SLC35A3: variants seen among roughly 807,000 people sequenced by gnomAD.
SLC35A3 encodes UDP-N-acetylglucosamine transporter.
SLC35A3 carries 26 observed loss-of-function variants against 39.0 expected under a neutral mutation model. The ratio of observed to expected loss-of-function variants is 0.67; its 90% CI spans 0.49 to 0.92. SLC35A3 has a LOEUF of 0.92. Ranked by LOEUF, SLC35A3 falls within the 40% of genes least tolerant of loss-of-function variation. The pLI is 0.00. For missense variants in SLC35A3, 299 were observed against 371.6 expected, an observed-to-expected ratio of 0.80 and a Z score of 1.61; for synonymous variants, 135 against 133.1, an observed-to-expected ratio of 1.01 and a Z score of -0.10.
Position 100,026,799 on chromosome 1 carries a change from T to G in SLC35A3, c.*4323T>G, listed in dbSNP as rs1335020720. On this transcript the variant is annotated 3_prime_UTR_variant, in exon 8 of 8. Coordinates refer to ENST00000533028, the MANE Select transcript of SLC35A3 (RefSeq NM_012243.3). Reference sequence around the variant, plus strand: ...TTGTTTAGAAAGATTCTTTTGGGTTTGATAATGTAATTTGTATATTTAAAT... The same window carrying G: ...TTGTTTAGAAAGATTCTTTTGGGTTGGATAATGTAATTTGTATATTTAAAT... The G allele has an allele frequency of 6.1e-6, 1 of 162,912 alleles. No individual in the cohort carries two copies. The highest frequency in any genetic ancestry group is 2.4e-5 in the African/African-American group (1 of 41,900). The allele number at this position is 162,912 out of a possible 1,614,324, so 10.1% of individuals were successfully genotyped here.
At position 100,024,622 on chromosome 1, in the gene SLC35A3, CT is replaced by C. The variant is rs1333681581; in HGVS notation, c.*2161del. ...TATGAATGAAAAAAATAAAATACTT[CT>C]TTTTTTTTTTTTTTGAGACAGAGTC... is the stretch of plus-strand genomic sequence containing the variant. On this transcript the variant is annotated 3_prime_UTR_variant, in exon 8 of 8. Transcript: ENST00000533028. The C allele has an allele frequency of 0.1, 25,240 of 251,816 alleles. No homozygotes were observed. Among genetic ancestry groups the C allele is most frequent in the East Asian group, 0.15 (2,222 of 14,974 alleles). The allele number at this position is 251,816 out of a possible 1,614,324, so 15.6% of individuals were successfully genotyped here. A position where few individuals can be genotyped will look rare whatever the true frequency, so the allele number is the denominator to read the frequency against.
At position 100,028,978 on chromosome 1, in the gene SLC35A3, G is replaced by A. The variant is rs1020077344; in HGVS notation, c.*6502G>A. The A allele has an allele frequency of 6.6e-6, 1 of 152,242 alleles. No individual in the cohort carries two copies. Among genetic ancestry groups the A allele is most frequent in the Non-Finnish European group, 1.5e-5 (1 of 68,080 alleles). 9.4% of individuals were successfully genotyped at this position (152,242 alleles called of 1,614,324 possible). On this transcript the variant is annotated 3_prime_UTR_variant, in exon 8 of 8. Transcript: ENST00000533028. ...AGGCTTTCGGTGTCCTTTTCTTGTA[G>A]CGTCATGGAAGGTGTTATCTACTCC...
chr1:100,004,295 T>C (rs76602435), intron 3 of SLC35A3, among the ~76,000 whole-genome samples: 2,043 of 152,294 alleles, frequency 0.013, 18 homozygotes, highest in Middle Eastern at 0.058. Flanking sequence ...GTGCAGGACT[T>C]CTGTAAGCAC....
In SLC35A3 at chr1:100,024,756, T is replaced by C; in HGVS notation, c.*2280T>C. 1 of 396,592 alleles carries C rather than the reference T, an allele frequency of 2.5e-6. No individual in the cohort carries two copies. Among genetic ancestry groups the C allele is most frequent in the Non-Finnish European group, 4.4e-6 (1 of 225,458 alleles). 24.6% of individuals were successfully genotyped at this position (396,592 alleles called of 1,614,324 possible). ...GCCTCAGCCTCTGAGTAGCTGGGAT[T>C]GCAGGCGTGAGCCACTGCGCCCGGC... On this transcript the variant is annotated 3_prime_UTR_variant, in exon 8 of 8. Coordinates refer to ENST00000533028, the MANE Select transcript of SLC35A3 (RefSeq NM_012243.3).
chr1:99,985,047 C>T (rs1657670910), intron 1 of SLC35A3, among the ~76,000 whole-genome samples: 1 of 152,158 alleles, frequency 6.6e-6, no homozygotes, highest in Non-Finnish European at 1.5e-5. Context: ...TCTGTTTACT[C>T]TGCTGATTAT....
At chr1:99,994,813 A>T (rs573570864) in intron 2 of SLC35A3, among the ~76,000 whole-genome samples, 11 of 152,226 alleles carry the variant, frequency 7.2e-5, no homozygotes, top group African/African-American at 2.6e-4. Flanking sequence ...CCTTTTGGGT[A>T]TATATTTAGG....
Position 99,999,415 on chromosome 1 carries a change from G to A in SLC35A3, c.342G>A (p.Gln114=). ...ALSNLDAATY[Q]VTYQLKILTT... ...CAAATCTAGATGCAGCTACTTATCAGGTACTTAAAATACATTTCTTTCTTT... is the reference window on the plus strand; with the variant it reads ...CAAATCTAGATGCAGCTACTTATCAAGTACTTAAAATACATTTCTTTCTTT... Residue 114 remains glutamine, a splice_region_variant and synonymous_variant, in exon 3 of 8, where the codon CAG becomes CAA. Transcript: ENST00000533028. The A allele has an allele frequency of 4.5e-6, 7 of 1,572,620 alleles. No individual in the cohort carries two copies. The highest frequency in any genetic ancestry group is 6.0e-6 in the Non-Finnish European group (7 of 1,165,162).
At chr1:100,021,969 A>G (rs1168385325) in intron 7 of SLC35A3, among the ~76,000 whole-genome samples, 3 of 152,238 alleles carry the variant, frequency 2.0e-5, no homozygotes, top group African/African-American at 4.8e-5. Flanking sequence ...TATTGAATGT[A>G]TTGTATACAA....
At chr1:100,005,832 C>T (rs1262441461) in intron 3 of SLC35A3, among the ~76,000 whole-genome samples, 1 of 151,898 alleles carries the variant, frequency 6.6e-6, no homozygotes, top group Admixed American at 6.6e-5. Flanking sequence ...CTTTTTCAGG[C>T]CTTTCATATT....
intron 1 of SLC35A3, among the ~76,000 whole-genome samples, chr1:99,972,043 T>C (rs1416535564): frequency 2.0e-5 from 3 of 151,916 alleles, no homozygotes; most frequent in African/African-American, 7.2e-5. Context: ...GGATTACAGG[T>C]GCCCGCCACC....
intron 1 of SLC35A3, among the ~76,000 whole-genome samples, chr1:99,988,752 C>CCCTTCTCTCCTCT (rs1657902008): frequency 6.6e-6 from 1 of 151,246 alleles, no homozygotes; most frequent in Non-Finnish European, 1.5e-5. Flanking sequence ...CTCTCTCCTC[C>CCCTTCTCTCCTCT]CCTTCTCTCC....
intron 1 of SLC35A3, chr1:99,975,135 T>G (rs970741218): frequency 2.6e-5 from 4 of 152,124 alleles, no homozygotes; most frequent in African/African-American, 9.7e-5. Flanking sequence ...AGAGACAGCT[T>G]TCACCATGTT....
At chr1:100,021,117 C>G (rs1570631043) in intron 7 of SLC35A3, among the ~76,000 whole-genome samples, 1 of 152,102 alleles carries the variant, frequency 6.6e-6, no homozygotes, top group African/African-American at 2.4e-5. Flanking sequence ...TAAGATTGCA[C>G]TTTGGGAGGC....
At chr1:100,006,936 A>G (rs1161045252) in intron 3 of SLC35A3, 98 bp from the exon 4 acceptor site, 1 of 1,355,114 alleles carries the variant, frequency 7.4e-7, no homozygotes, top group East Asian at 2.6e-5. Flanking sequence ...ACCACCAGGC[A>G]TGCTGCCATA....
chr1:99,976,414 CATTA>C (rs1318183214), intron 1 of SLC35A3, among the ~76,000 whole-genome samples: 1 of 152,168 alleles, frequency 6.6e-6, no homozygotes, highest in Non-Finnish European at 1.5e-5. Context: ...GGTAATCTAA[CATTA>C]ATTATTTAAA....
rs1483963787 is a variant in SLC35A3 at position 100,030,099 on chromosome 1, C to T, written c.*7623C>T. 1 of 152,172 alleles carries T rather than the reference C, an allele frequency of 6.6e-6. No homozygotes were observed. Among genetic ancestry groups the T allele is most frequent in the Admixed American group, 6.5e-5 (1 of 15,280 alleles). The allele number at this position is 152,172 out of a possible 1,614,324, so 9.4% of individuals were successfully genotyped here. The stretch of plus-strand genomic sequence containing the variant: ...GTTATTTTGGCTCACAGTAGGGCTT[C>T]ACTAGTGTTAGGATCACATTTTCCT... On this transcript the variant is annotated 3_prime_UTR_variant, in exon 8 of 8. Transcript: ENST00000533028.
chr1:100,006,247 C>T (rs970328346), intron 3 of SLC35A3, among the ~76,000 whole-genome samples: 2 of 152,088 alleles, frequency 1.3e-5, no homozygotes, highest in Non-Finnish European at 2.9e-5. Flanking sequence ...TATGCTGGTT[C>T]TTGGGTCTCC....
intron 1 of SLC35A3, among the ~76,000 whole-genome samples, chr1:99,980,154 C>T (rs1557821163): frequency 1.3e-5 from 2 of 151,362 alleles, no homozygotes; most frequent in African/African-American, 4.9e-5. Flanking sequence ...TGTGTGATAA[C>T]TGTATTTTTT....
At chr1:99,995,169 T>C (rs1214072313) in intron 2 of SLC35A3, among the ~76,000 whole-genome samples, 5 of 147,296 alleles carry the variant, frequency 3.4e-5, no homozygotes, top group Non-Finnish European at 7.4e-5. Flanking sequence ...TCTTTTTTTT[T>C]CGAGACTGAG....
Sources: gnomAD v4.1 joint callset for allele counts (sites outside exome capture counted in the v4.1 genomes callset) on GRCh38, gnomAD v4.1.1 for gene constraint, MANE v1.5 for transcripts, NCBI Gene and HGNC (gene_info 2026-07-23, HGNC 2026-07-21) for gene names.